Variants in ANKS1B observed in about 807,000 individuals in gnomAD.
The protein encoded by ANKS1B is ankyrin repeat and sterile alpha motif domain containing 1B, also known as ankyrin repeat and sterile alpha motif domain-containing protein 1B.
Under a neutral mutation model 148.3 loss-of-function variants are expected in ANKS1B, and 36 were observed. The ratio of observed to expected loss-of-function variants is 0.24; its 90% confidence interval spans 0.19 to 0.32. ANKS1B has a LOEUF of 0.32. Among genes scored for constraint, ANKS1B ranks in the 10% least tolerant of loss-of-function variants. The probability of loss-of-function intolerance (pLI) is 1.00; values close to 1 mark genes in which losing one functional copy is unlikely to be tolerated. For synonymous variants in ANKS1B, 542 were observed against 560.8 expected, an observed-to-expected ratio of 0.97 and a Z score of 0.47; for missense variants, 1,157 against 1,542.6, an observed-to-expected ratio of 0.75 and a Z score of 4.19.
intron 17 of ANKS1B, among the ~76,000 whole-genome samples, chr12:98,990,024 A>C (rs559873479): frequency 6.6e-6 from 1 of 152,186 alleles, no homozygotes; most frequent in East Asian, 1.9e-4. Flanking sequence ...AAGAAAGAAA[A>C]AGAAAGAAAA....
chr12:99,654,672 G>GATGTGAAAAAT (rs1274128689), intron 9 of ANKS1B, among the ~76,000 whole-genome samples: 1 of 152,042 alleles, frequency 6.6e-6, no homozygotes, highest in Non-Finnish European at 1.5e-5. Context: ...GCTCCATTGT[G>GATGTGAAAAAT]ATGTGAAAAA....
At chr12:99,075,165 T>A (rs1170151537) in intron 16 of ANKS1B, among the ~76,000 whole-genome samples, 1 of 152,206 alleles carries the variant, frequency 6.6e-6, no homozygotes, top group Non-Finnish European at 1.5e-5. Context: ...GAGATAATAC[T>A]TCTTGGCCTA....
intron 1 of ANKS1B, among the ~76,000 whole-genome samples, chr12:99,918,505 T>C (rs2094242208): frequency 6.6e-6 from 1 of 152,234 alleles, no homozygotes; most frequent in Non-Finnish European, 1.5e-5. Flanking sequence ...TATTGAGGAA[T>C]GAGGCACGAG....
chr12:98,972,874 C>T (rs570091235), intron 17 of ANKS1B, among the ~76,000 whole-genome samples: 25 of 152,292 alleles, frequency 1.6e-4, no homozygotes, highest in Admixed American at 1.3e-4. Context: ...TCATTTTTAG[C>T]ATCTACAGAG....
At chr12:99,147,281 A>G (rs2073459091) in intron 15 of ANKS1B, among the ~76,000 whole-genome samples, 1 of 152,146 alleles carries the variant, frequency 6.6e-6, no homozygotes. Context: ...AAAGGATAAA[A>G]AGGAGTTAAG....
At chr12:99,911,869 CCAT>C (rs1477625471) in intron 1 of ANKS1B, among the ~76,000 whole-genome samples, 1 of 152,062 alleles carries the variant, frequency 6.6e-6, no homozygotes, top group African/African-American at 2.4e-5. Flanking sequence ...AATCATGATA[CCAT>C]CATGACACCT....
chr12:99,379,786 G>A (rs2093560109), intron 12 of ANKS1B, among the ~76,000 whole-genome samples: 1 of 152,176 alleles, frequency 6.6e-6, no homozygotes, highest in Admixed American at 6.5e-5. Flanking sequence ...AATCTAGGCA[G>A]ATCTACTGGG....
intron 1 of ANKS1B, among the ~76,000 whole-genome samples, chr12:99,887,211 A>G (rs539758467): frequency 3.1e-4 from 47 of 152,306 alleles, no homozygotes; most frequent in Admixed American, 1.8e-3. Flanking sequence ...ACTGTCCAAT[A>G]TGGTAACCAC....
In ANKS1B at chr12:99,552,730, G is replaced by A. The variant is rs146762978; in HGVS notation, c.1273-48089C>T. Among the ~76,000 whole-genome samples, 292 of 152,216 alleles carry A rather than the reference G, an allele frequency of 1.9e-3. 1 individual carries two copies. The highest frequency in any genetic ancestry group is 6.7e-3 in the African/African-American group (278 of 41,538). ...CAAGACACCACTGCCCCAGTCCCAC[G>A]AATACCAAAATTCACAAATGTGCAA... On this transcript the variant is annotated intron_variant, in intron 9 of 26. Transcript: ENST00000683438.
chr12:99,693,402 C>A (rs2053421031), intron 8 of ANKS1B, among the ~76,000 whole-genome samples: 1 of 152,164 alleles, frequency 6.6e-6, no homozygotes, highest in Non-Finnish European at 1.5e-5. Context: ...CAGTAGATAT[C>A]TCTTTCAAAA....
intron 12 of ANKS1B, among the ~76,000 whole-genome samples, chr12:99,295,334 T>G (rs1459429833): frequency 1.3e-5 from 2 of 152,222 alleles, no homozygotes; most frequent in Non-Finnish European, 2.9e-5. Context: ...ATTTGTCATC[T>G]GAATATCTGC....
chr12:99,613,991 C>T, intron 9 of ANKS1B, among the ~76,000 whole-genome samples: 1 of 151,988 alleles, frequency 6.6e-6, no homozygotes, highest in East Asian at 1.9e-4. Context: ...CTAAATATCC[C>T]AGATTTAAAT....
intron 9 of ANKS1B, among the ~76,000 whole-genome samples, chr12:99,600,406 C>T (rs2097791164): frequency 1.3e-5 from 2 of 151,954 alleles, no homozygotes; most frequent in African/African-American, 4.8e-5. Flanking sequence ...AACTGCAGGA[C>T]TTTTATGCCG....
At chr12:99,719,419 C>T (rs778601032) in intron 8 of ANKS1B, among the ~76,000 whole-genome samples, 12 of 152,122 alleles carry the variant, frequency 7.9e-5, no homozygotes, top group Non-Finnish European at 1.5e-4. Flanking sequence ...ATCCACCTGA[C>T]ATTCACTCCA....
chr12:99,448,041 G>A lies in ANKS1B; in HGVS notation c.1439-4232C>T, dbSNP rs548747644. 2.0e-5 allele frequency among the ~76,000 whole-genome samples: 3 copies of A among 152,182 alleles called. No homozygotes were observed. In the East Asian group the frequency reaches 5.8e-4, roughly 29 times the overall value. On this transcript the variant is annotated intron_variant, in intron 10 of 26. Coordinates refer to ENST00000683438, the MANE Select transcript of ANKS1B (RefSeq NM_001352186.2). The stretch of plus-strand genomic sequence containing the variant: ...GTACAGCCATTAGAGAGAATAGTAT[G>A]GAGTTCCTCAAAAACAAAATATAGA...
intron 14 of ANKS1B, among the ~76,000 whole-genome samples, chr12:99,189,792 G>A (rs1248661834): frequency 6.6e-6 from 1 of 152,170 alleles, no homozygotes; most frequent in Admixed American, 6.5e-5. Flanking sequence ...AGAGAAGGAT[G>A]CCCTCTCTCA....
intron 9 of ANKS1B, among the ~76,000 whole-genome samples, chr12:98,737,255 C>T (rs1294702588): frequency 2.0e-5 from 3 of 152,190 alleles, no homozygotes; most frequent in Non-Finnish European, 1.5e-5. Flanking sequence ...TTTGTGTTTA[C>T]ACTTCTGTTT....
intron 17 of ANKS1B, among the ~76,000 whole-genome samples, chr12:98,913,681 G>A (rs2099789899): frequency 6.6e-6 from 1 of 152,150 alleles, no homozygotes; most frequent in South Asian, 2.1e-4. Context: ...AGGCTGGAGT[G>A]CAGTGGTGCA....
intron 14 of ANKS1B, among the ~76,000 whole-genome samples, chr12:99,167,747 G>A (rs927104863): frequency 2.0e-5 from 3 of 151,312 alleles, no homozygotes; most frequent in East Asian, 1.9e-4. Flanking sequence ...ACTTGTATAG[G>A]CATGTTTACA....
Sources: gnomAD v4.1 joint callset for allele counts (sites outside exome capture counted in the v4.1 genomes callset) on GRCh38, gnomAD v4.1.1 for gene constraint, MANE v1.5 for transcripts, NCBI Gene and HGNC (gene_info 2026-07-23, HGNC 2026-07-21) for gene names.